STK32B: variants seen among roughly 807,000 people sequenced by gnomAD.
STK32B encodes the protein serine/threonine-protein kinase 32B.
STK32B carries 43 observed loss-of-function variants against 52.6 expected under a neutral mutation model. That is an observed-to-expected ratio of 0.82 (90% CI 0.64 to 1.05). The LOEUF is 1.05. STK32B is among the 50% of genes least tolerant of loss of function. The probability of loss-of-function intolerance (pLI) is 0.00; values close to 1 mark genes in which losing one functional copy is unlikely to be tolerated. For synonymous variants in STK32B, 238 were observed against 204.3 expected (o/e 1.17, Z -1.41); for missense variants, 621 against 534.6 (o/e 1.16, Z -1.59).
chr4:5,052,065 C>T (rs757301038), intron 1 of STK32B, 150 bp downstream of exon 1: 6 of 1,250,052 alleles, frequency 4.8e-6, no homozygotes, highest in East Asian at 2.7e-5. Flanking sequence ...GTGCCCGACC[C>T]GTGCCAGGCG....
In STK32B at chr4:5,164,617, T is replaced by G. The variant is rs540982335; in HGVS notation, c.109-3682T>G. On this transcript the variant is annotated intron_variant, in intron 2 of 11. Transcript: ENST00000282908. The stretch of plus-strand genomic sequence containing the variant: ...GTGGCAGCATGGTCAGATTCTGGAG[T>G]GGGCCCTTTTCCAGGTTGCAGGCTG... Among the ~76,000 whole-genome samples, 145 of 152,194 alleles carry G rather than the reference T, an allele frequency of 9.5e-4. 1 individual carries two copies. Among genetic ancestry groups the G allele is most frequent in the African/African-American group, 3.2e-3 (132 of 41,510 alleles).
chr4:5,040,918 T>C, the STK32B span, among the ~76,000 whole-genome samples: 2 of 152,212 alleles, frequency 1.3e-5, no homozygotes, highest in African/African-American at 4.8e-5. Context: ...CATTGGCAAG[T>C]ATTTGTGTAT....
intron 3 of STK32B, among the ~76,000 whole-genome samples, chr4:5,257,272 G>T (rs953801160): frequency 2.0e-5 from 3 of 151,326 alleles, no homozygotes; most frequent in Admixed American, 6.6e-5. Context: ...AGTGAATGAT[G>T]AAGTGAGTGA....
intron 5 of STK32B, among the ~76,000 whole-genome samples, chr4:5,415,764 TG>T (rs146485510): frequency 0.028 from 4,193 of 152,100 alleles, 197 homozygotes; most frequent in African/African-American, 0.095. Flanking sequence ...GATTAGAGGG[TG>T]GTATGTTAAA....
intron 2 of STK32B, among the ~76,000 whole-genome samples, chr4:5,159,686 A>AATGTATATGAAT (rs1560186301): frequency 5.1e-5 from 3 of 59,154 alleles, no homozygotes; most frequent in East Asian, 6.9e-4. Flanking sequence ...TATATATATG[A>AATGTATATGAAT]ATATATATGA....
the STK32B span, among the ~76,000 whole-genome samples, chr4:5,040,388 A>ATTTTT: frequency 1.0e-4 from 12 of 118,714 alleles, no homozygotes; most frequent in African/African-American, 2.9e-4. Flanking sequence ...TGGCAGTAGA[A>ATTTTT]TTTTTTTTTT....
At chr4:5,188,208 G>C (rs796988455) in intron 3 of STK32B, among the ~76,000 whole-genome samples, 1 of 152,168 alleles carries the variant, frequency 6.6e-6, no homozygotes, top group Non-Finnish European at 1.5e-5. Flanking sequence ...ATTGCTAGTG[G>C]GAGGTGGCGG....
chr4:5,312,292 T>A (rs1319581466), intron 3 of STK32B, among the ~76,000 whole-genome samples: 3 of 145,132 alleles, frequency 2.1e-5, no homozygotes, highest in African/African-American at 8.6e-5. Flanking sequence ...TTTCTTTTTT[T>A]ATTTTGTTAT....
chr4:5,048,957 CAA>C (rs1741667696), upstream of STK32B, among the ~76,000 whole-genome samples: 1 of 152,188 alleles, frequency 6.6e-6, no homozygotes, highest in Non-Finnish European at 1.5e-5. Flanking sequence ...TAGCACCCTG[CAA>C]AGAGTTAGCA....
chr4:5,454,392 C>G (rs2109137320), intron 7 of STK32B, among the ~76,000 whole-genome samples: 1 of 152,196 alleles, frequency 6.6e-6, no homozygotes, highest in Non-Finnish European at 1.5e-5. Context: ...CCAGGCCTCT[C>G]TGCTTGGCTT....
intron 2 of STK32B, among the ~76,000 whole-genome samples, chr4:5,143,923 T>C (rs183599328): frequency 1.8e-4 from 27 of 152,314 alleles, no homozygotes; most frequent in Admixed American, 4.6e-4. Flanking sequence ...CAGGATGTTG[T>C]GATGTCAATG....
intron 3 of STK32B, among the ~76,000 whole-genome samples, chr4:5,198,927 A>T (rs898571911): frequency 6.6e-6 from 1 of 152,042 alleles, no homozygotes; most frequent in African/African-American, 2.4e-5. Context: ...TTTCCTTCCT[A>T]ATTATGTACT....
At chr4:5,035,762 C>G in the STK32B span, among the ~76,000 whole-genome samples, 165 of 151,824 alleles carry the variant, frequency 1.1e-3, no homozygotes, top group African/African-American at 3.6e-3. Flanking sequence ...ATCAGAAATG[C>G]AAATTAAAGG....
At chr4:5,364,994 G>A (rs1236933185) in intron 4 of STK32B, among the ~76,000 whole-genome samples, 3 of 152,142 alleles carry the variant, frequency 2.0e-5, no homozygotes, top group Admixed American at 1.3e-4. Flanking sequence ...TCCTGCCTCA[G>A]CATCCCGAGT....
chr4:5,259,746 A>G (rs542522766), intron 3 of STK32B, among the ~76,000 whole-genome samples: 4 of 152,022 alleles, frequency 2.6e-5, no homozygotes, highest in Non-Finnish European at 5.9e-5. Flanking sequence ...CTGAGGCCCA[A>G]CTCTTCCTTT....
At chr4:5,409,880 A>T (rs1196036589) in intron 5 of STK32B, among the ~76,000 whole-genome samples, 1 of 152,162 alleles carries the variant, frequency 6.6e-6, no homozygotes, top group Non-Finnish European at 1.5e-5. Context: ...GAACAGAAAA[A>T]AAATCAAAGG....
the STK32B span, among the ~76,000 whole-genome samples, chr4:5,027,588 T>G: frequency 6.6e-6 from 1 of 152,296 alleles, no homozygotes; most frequent in South Asian, 2.1e-4. Flanking sequence ...TATTGCACAG[T>G]TTTTGTGAAG....
intron 3 of STK32B, among the ~76,000 whole-genome samples, chr4:5,269,656 A>G (rs1727292270): frequency 6.6e-6 from 1 of 152,212 alleles, no homozygotes; most frequent in Non-Finnish European, 1.5e-5. Context: ...TCAAACTTCT[A>G]GAGATCAAAA....
At chr4:5,175,373 G>A (rs1242271393) in intron 3 of STK32B, among the ~76,000 whole-genome samples, 3 of 152,160 alleles carry the variant, frequency 2.0e-5, no homozygotes, top group African/African-American at 7.2e-5. Flanking sequence ...GAGGAGAAGA[G>A]GCACTCTGAT....
Sources: gnomAD v4.1 joint callset for allele counts (sites outside exome capture counted in the v4.1 genomes callset) on GRCh38, gnomAD v4.1.1 for gene constraint, MANE v1.5 for transcripts, NCBI Gene and HGNC (gene_info 2026-07-23, HGNC 2026-07-21) for gene names.